NUP43: variants seen among roughly 807,000 people sequenced by gnomAD.
NUP43 encodes nucleoporin Nup43.
NUP43 carries 32 observed loss-of-function variants against 47.3 expected under a neutral mutation model. The observed-to-expected ratio is 0.68, with a 90% confidence interval of 0.51 to 0.91. The LOEUF (loss-of-function observed/expected upper bound fraction) is 0.91. NUP43 is among the 40% of genes least tolerant of loss of function. The probability of loss-of-function intolerance (pLI) is 0.00; values close to 1 mark genes in which losing one functional copy is unlikely to be tolerated. For synonymous variants in NUP43, 147 were observed against 158.4 expected (o/e 0.93, Z 0.54); for missense variants, 444 against 453.9 (o/e 0.98, Z 0.20).
At chr6:149,730,527 T>C (rs1048810671) in intron 7 of NUP43, among the ~76,000 whole-genome samples, 1 of 152,176 alleles carries the variant, frequency 6.6e-6, no homozygotes, top group Non-Finnish European at 1.5e-5. Flanking sequence ...AGTAAGTAAC[T>C]TGACAGTCAG....
intron 6 of NUP43, among the ~76,000 whole-genome samples, chr6:149,735,927 T>C (rs1785314971): frequency 6.8e-6 from 1 of 147,762 alleles, no homozygotes. Context: ...GAGCCGTGAC[T>C]GCACCACTGC....
At chr6:149,742,606 G>A (rs1785727329) in intron 3 of NUP43, 36 bp from the exon 4 acceptor site, 2 of 1,533,950 alleles carry the variant, frequency 1.3e-6, no homozygotes, top group East Asian at 2.3e-5. Context: ...TTAAAGCAAA[G>A]TACTAAGGAA....
intron 2 of NUP43, 40 bp downstream of exon 2, chr6:149,745,900 G>C: frequency 6.4e-7 from 1 of 1,571,918 alleles, no homozygotes. Flanking sequence ...GTATTACTCA[G>C]GACTTTCAAA....
At chr6:149,738,817 CCCTT>C in intron 4 of NUP43, 39 bp from the exon 5 acceptor site, 1 of 1,291,138 alleles carries the variant, frequency 7.7e-7, no homozygotes, top group Non-Finnish European at 1.0e-6. Flanking sequence ...TTAATGAGTC[CCCTT>C]TTTTTCCCAA....
intron 7 of NUP43, chr6:149,728,132 A>G: frequency 1.0e-6 from 1 of 985,306 alleles, no homozygotes; most frequent in Non-Finnish European, 1.2e-6. Flanking sequence ...CCATTAATTT[A>G]CTACTTTATA....
At chr6:149,736,762 T>C in intron 5 of NUP43, 140 bp from the exon 6 acceptor site, 1 of 659,532 alleles carries the variant, frequency 1.5e-6, no homozygotes, top group East Asian at 2.8e-5. Context: ...AATCATTGCT[T>C]ACTGTAGGCT....
intron 7 of NUP43, chr6:149,727,789 C>G: frequency 1.0e-6 from 1 of 983,986 alleles, no homozygotes; most frequent in Non-Finnish European, 1.2e-6. Flanking sequence ...TTATCTCTAA[C>G]AGCGCACTGT....
upstream of NUP43, among the ~76,000 whole-genome samples, chr6:149,747,969 G>A (rs1210746389): frequency 6.6e-6 from 1 of 152,242 alleles, no homozygotes; most frequent in Non-Finnish European, 1.5e-5. Context: ...AAAATATTAA[G>A]TGGGTTACAG....
chr6:149,745,932 A>G lies in NUP43; in HGVS notation c.243+8T>C. 2.5e-6 allele frequency: 4 copies of G among 1,602,902 alleles called. No individual in the cohort carries two copies. Among genetic ancestry groups the G allele is most frequent in the Non-Finnish European group, 3.4e-6 (4 of 1,175,950 alleles). On this transcript the variant is annotated splice_region_variant and intron_variant, in intron 2 of 7. Transcript: ENST00000340413. ...CAAAGTTAGCTTTTGGATGCTACAC[A>G]GATTTACCTGTAAATCCATTACATC... is the stretch of plus-strand genomic sequence containing the variant.
rs1044015949 is a variant in NUP43, at chr6:149,742,442, A to G, written c.450T>C (p.Asp150=). 13 of 1,614,076 alleles carry G rather than the reference A, an allele frequency of 8.1e-6. No individual in the cohort carries two copies. The highest frequency in any genetic ancestry group is 1.1e-5 in the Non-Finnish European group (13 of 1,180,042). ...CAGCTCTGAAGAGATTTATTCGACC[A>G]TCCTCTCCAACTGTAACGATTTCTG... ...NNPEIVTVGE[D]GRINLFRADH... Residue 150 remains aspartate, a synonymous_variant, in exon 4 of 8, where the codon GAT becomes GAC. Transcript: ENST00000340413.
intron 4 of NUP43, among the ~76,000 whole-genome samples, chr6:149,739,579 G>A (rs1785543164): frequency 1.3e-5 from 2 of 152,106 alleles, no homozygotes; most frequent in South Asian, 4.1e-4. Context: ...GACCCACCAG[G>A]CCCAGCCTTG....
At chr6:149,745,851 G>T in intron 2 of NUP43, 89 bp downstream of exon 2, 1 of 1,165,040 alleles carries the variant, frequency 8.6e-7, no homozygotes, top group Non-Finnish European at 1.2e-6. Context: ...AACGAGGGGT[G>T]ACACCAGACA....
At chr6:149,748,714 C>T (rs1159791374), upstream of NUP43, among the ~76,000 whole-genome samples, 1 of 148,028 alleles carries the variant, frequency 6.8e-6, no homozygotes, top group Non-Finnish European at 1.5e-5. Flanking sequence ...GAGGCTGAGG[C>T]AGGAGAATGG....
intron 6 of NUP43, among the ~76,000 whole-genome samples, chr6:149,732,051 G>A (rs1005543002): frequency 5.3e-5 from 8 of 151,610 alleles, no homozygotes; most frequent in South Asian, 2.1e-4. Context: ...GCGTGGTGGC[G>A]CGTGCTTGTA....
chr6:149,734,170 C>G (rs763250294), intron 6 of NUP43, among the ~76,000 whole-genome samples: 1 of 151,854 alleles, frequency 6.6e-6, no homozygotes, highest in Non-Finnish European at 1.5e-5. Context: ...CTATAGAAAT[C>G]TAATAATAAA....
Position 149,731,698 on chromosome 6 carries a change from A to T in NUP43, c.828T>A (p.His276Gln). The T allele has an allele frequency of 6.2e-7, 1 of 1,613,818 alleles. No homozygotes were observed. The highest frequency in any genetic ancestry group is 8.5e-7 in the Non-Finnish European group (1 of 1,179,746). Reference sequence around the variant, plus strand: ...ATCCATCTTCAGAGCAGGTAAAAAGATGTTCTGGGTTGGATGGGTGAAAGT... The same window carrying T: ...ATCCATCTTCAGAGCAGGTAAAAAGTTGTTCTGGGTTGGATGGGTGAAAGT... ...EVHFHPSNPEHLFTCSEDGSL... is the reference protein window; with the variant it reads ...EVHFHPSNPEQLFTCSEDGSL... The change falls in exon 7 of 8, where the codon CAT (histidine) becomes CAA (glutamine). Residue 276 changes from histidine to glutamine, a missense_variant. Physicochemically the swap from His to Gln is conservative, Grantham distance 24. Transcript: ENST00000340413.
chr6:149,738,853 T>C, intron 4 of NUP43, 75 bp from the exon 5 acceptor site: 1 of 811,334 alleles, frequency 1.2e-6, no homozygotes, highest in Non-Finnish European at 1.8e-6. Flanking sequence ...ATCACACTCC[T>C]TTCATGGATT....
At chr6:149,747,280 C>T (rs1004073150), upstream of NUP43, among the ~76,000 whole-genome samples, 1 of 151,818 alleles carries the variant, frequency 6.6e-6, no homozygotes, top group Admixed American at 6.6e-5. Context: ...TCTAAATCAA[C>T]ACCATTTTTT....
At chr6:149,742,186 C>T (rs1019408203) in intron 4 of NUP43, among the ~76,000 whole-genome samples, 3 of 152,190 alleles carry the variant, frequency 2.0e-5, no homozygotes, top group African/African-American at 7.2e-5. Context: ...GCCACCATGC[C>T]CAGCAAATTC....
Sources: gnomAD v4.1 joint callset for allele counts (sites outside exome capture counted in the v4.1 genomes callset) on GRCh38, gnomAD v4.1.1 for gene constraint, MANE v1.5 for transcripts, NCBI Gene and HGNC (gene_info 2026-07-23, HGNC 2026-07-21) for gene names.